The following ACSF3 variants were observed in gnomAD, a reference collection of about 807,000 sequenced individuals.
ACSF3 encodes the protein acyl-CoA synthetase family member 3.
Under a neutral mutation model 53.2 loss-of-function variants are expected in ACSF3, and 78 were observed. The ratio of observed to expected loss-of-function variants is 1.47; its 90% CI spans 1.22 to 1.77. The LOEUF is 1.77. Ranked by LOEUF, ACSF3 falls within the 40% of genes most tolerant of loss-of-function variation. ACSF3 has a pLI of 0.00. For synonymous variants in ACSF3, 414 were observed against 333.1 expected (o/e 1.24, Z -2.65); for missense variants, 937 against 771.1 (o/e 1.22, Z -2.55).
intron 6 of ACSF3, among the ~76,000 whole-genome samples, chr16:89,117,859 C>G (rs1008293221): frequency 2.7e-5 from 4 of 146,480 alleles, no homozygotes; most frequent in African/African-American, 1.0e-4. Flanking sequence ...GGGCAAGAAA[C>G]CTGAGTGCAC....
At chr16:89,134,442 A>G (rs937571135) in intron 8 of ACSF3, among the ~76,000 whole-genome samples, 1 of 152,182 alleles carries the variant, frequency 6.6e-6, no homozygotes, top group Non-Finnish European at 1.5e-5. Flanking sequence ...GATCAGGAGC[A>G]CAGTGGACAC....
intron 8 of ACSF3, among the ~76,000 whole-genome samples, chr16:89,140,824 A>C (rs941208417): frequency 6.6e-6 from 1 of 152,192 alleles, no homozygotes; most frequent in Non-Finnish European, 1.5e-5. Context: ...ATTTTCAGTT[A>C]CAGTGGAAGG....
Position 89,112,169 on chromosome 16 carries a change from G to C in ACSF3, c.900G>C (p.Leu300=). Residue 300 remains leucine, a synonymous_variant, in exon 5 of 11, where the codon CTG becomes CTC. Coordinates refer to ENST00000614302, the MANE Select transcript of ACSF3 (RefSeq NM_001243279.3). Reference sequence around the variant, plus strand: ...CAGTGCCTACAATATACACCAAGCTGATGGAGTACTACGACAGGCATTTTA... The same window carrying C: ...CAGTGCCTACAATATACACCAAGCTCATGGAGTACTACGACAGGCATTTTA... ...FMAVPTIYTK[L]MEYYDRHFTQ... The C allele has an allele frequency of 1.2e-6, 2 of 1,614,270 alleles. No individual in the cohort carries two copies. The highest frequency in any genetic ancestry group is 4.5e-5 in the East Asian group (2 of 44,890).
intron 7 of ACSF3, among the ~76,000 whole-genome samples, chr16:89,131,711 T>C (rs1197609965): frequency 2.0e-5 from 3 of 151,974 alleles, no homozygotes; most frequent in Admixed American, 2.0e-4. Context: ...GGCCTTTGCC[T>C]TGCTGTCTCT....
rs1219997684 is a variant in ACSF3, at chr16:89,112,080, T to G, written c.823-12T>G. 1 of 1,614,080 alleles carries G rather than the reference T, an allele frequency of 6.2e-7. No individual in the cohort carries two copies. The highest frequency in any genetic ancestry group is 8.5e-7 in the Non-Finnish European group (1 of 1,179,888). ...GCTCATCTTCCTACCGAGTGCTTCC[T>G]TTCCTTCGTAGGTTTGGGAAAAGTT... On this transcript the variant is annotated splice_polypyrimidine_tract_variant and intron_variant, in intron 4 of 10. Coordinates refer to ENST00000614302, the MANE Select transcript of ACSF3 (RefSeq NM_001243279.3).
intron 6 of ACSF3, 133 bp downstream of exon 6, chr16:89,114,620 G>A (rs1219392535): frequency 5.3e-6 from 7 of 1,325,638 alleles, no homozygotes; most frequent in African/African-American, 2.9e-5. Flanking sequence ...CAGGCCACTC[G>A]GCCAGGAGAG....
At chr16:89,145,508 A>G in intron 9 of ACSF3, 107 bp downstream of exon 9, 1 of 1,366,554 alleles carries the variant, frequency 7.3e-7, no homozygotes, top group Non-Finnish European at 1.0e-6. Flanking sequence ...AGCTGCCTGC[A>G]GGGGTCCCTG....
intron 1 of ACSF3, among the ~76,000 whole-genome samples, chr16:89,095,597 T>C (rs1479796623): frequency 4.8e-5 from 1 of 20,818 alleles, no homozygotes; most frequent in Admixed American, 5.5e-4. Flanking sequence ...AAACACAAGG[T>C]CTGGGGGGGC....
At chr16:89,105,682 G>A (rs542062105) in intron 4 of ACSF3, among the ~76,000 whole-genome samples, 6 of 152,322 alleles carry the variant, frequency 3.9e-5, no homozygotes, top group East Asian at 3.9e-4. Context: ...GGGGCTGCCC[G>A]GGCGCTGACG....
intron 10 of ACSF3, chr16:89,152,972 G>C (rs1265514327): frequency 6.6e-6 from 1 of 152,312 alleles, no homozygotes; most frequent in African/African-American, 2.4e-5. Context: ...CCCCTGGAGA[G>C]CGAGAGACTG....
intron 8 of ACSF3, among the ~76,000 whole-genome samples, chr16:89,144,253 G>C (rs1367809557): frequency 6.6e-6 from 1 of 152,244 alleles, no homozygotes; most frequent in Admixed American, 6.5e-5. Flanking sequence ...GGAAGAAAAC[G>C]AAGGAAGCTT....
In ACSF3 at chr16:89,120,805, C is replaced by CTCTCCT; in HGVS notation, c.1131_1132insTCTCCT (p.Ser377_Val378insSerPro). ...AGTGTTTCTCCTCTCCTGTAGGTTC[C>CTCTCCT]GTGGGGACCCCACTGCCTGGAGTAC... On this transcript the variant is annotated inframe_insertion, in exon 7 of 11. Transcript: ENST00000614302. 1 of 1,613,956 alleles carries CTCTCCT rather than the reference C, an allele frequency of 6.2e-7. No homozygotes were observed. Among genetic ancestry groups the CTCTCCT allele is most frequent in the Non-Finnish European group, 8.5e-7 (1 of 1,179,894 alleles).
At chr16:89,104,763 C>T (rs1396635737) in intron 4 of ACSF3, among the ~76,000 whole-genome samples, 1 of 152,214 alleles carries the variant, frequency 6.6e-6, no homozygotes, top group South Asian at 2.1e-4. Context: ...GAGGCCGGCT[C>T]ACAGTGGGCA....
At chr16:89,150,913 AAGTT>A in intron 10 of ACSF3, 2 of 1,094,076 alleles carry the variant, frequency 1.8e-6, no homozygotes, top group East Asian at 5.9e-5. Flanking sequence ...AGGAGGAAGT[AAGTT>A]AGAGGATTAA....
rs371292822 is a variant in ACSF3 at position 89,098,601 on chromosome 16, G to A, written c.-183G>A. 2.7e-5 allele frequency: 12 copies of A among 452,150 alleles called. No homozygotes were observed. The highest frequency in any genetic ancestry group is 1.2e-4 in the African/African-American group (6 of 50,102). 28.0% of individuals were successfully genotyped at this position (452,150 alleles called of 1,614,324 possible). ...GATGCCCGTTGACAGGTGTCCCACC[G>A]GCCTTCCGGGTTCCAGCGCCAGGCC... On this transcript the variant is annotated 5_prime_UTR_variant, in exon 2 of 11. Coordinates refer to ENST00000614302, the MANE Select transcript of ACSF3 (RefSeq NM_001243279.3).
chr16:89,095,490 G>A (rs527439556), intron 1 of ACSF3, among the ~76,000 whole-genome samples: 18 of 151,914 alleles, frequency 1.2e-4, no homozygotes, highest in African/African-American at 1.7e-4. Flanking sequence ...CAGGTGTGAT[G>A]CTGAAACGCA....
At chr16:89,126,803 G>C (rs571879425) in intron 7 of ACSF3, among the ~76,000 whole-genome samples, 1 of 152,278 alleles carries the variant, frequency 6.6e-6, no homozygotes, top group African/African-American at 2.4e-5. Context: ...GCCCTGACTA[G>C]GACTTCCAAT....
chr16:89,136,819 G>A (rs1328866379), intron 8 of ACSF3: 1 of 1,286,254 alleles, frequency 7.8e-7, no homozygotes, highest in African/African-American at 1.5e-5. Context: ...GATGGCAAAG[G>A]TCTGTTTCAG....
In ACSF3 at chr16:89,133,263, G is replaced by T. The variant is rs1389783773; in HGVS notation, c.1366+1G>T. On this transcript the variant is annotated splice_donor_variant, in intron 8 of 10. Transcript: ENST00000614302. LOFTEE classifies it high-confidence loss of function. Reference sequence around the variant, plus strand: ...ACCCTGGATGGCTGGTTTAAGACAGGTAGGACCCAGCCCCATGGGAGTGGA... The same window carrying T: ...ACCCTGGATGGCTGGTTTAAGACAGTTAGGACCCAGCCCCATGGGAGTGGA... The T allele has an allele frequency of 6.2e-7, 1 of 1,614,000 alleles. No homozygotes were observed. The highest frequency in any genetic ancestry group is 2.2e-5 in the East Asian group (1 of 44,882).
Sources: allele counts gnomAD v4.1 joint callset (sites outside exome capture counted in the v4.1 genomes callset), GRCh38; gene constraint gnomAD v4.1.1; transcripts MANE v1.5; gene names NCBI Gene and HGNC (gene_info 2026-07-23, HGNC 2026-07-21).